CSMD1: variants seen among roughly 807,000 people sequenced by gnomAD.
CSMD1 encodes the protein CUB and sushi domain-containing protein 1.
Under a neutral mutation model 417.5 loss-of-function variants are expected in CSMD1, and 213 were observed. The ratio of observed to expected loss-of-function variants is 0.51; its 90% CI spans 0.46 to 0.57. The LOEUF (loss-of-function observed/expected upper bound fraction) is 0.57, where lower values mean the gene tolerates loss of function less well. Among genes scored for constraint, CSMD1 ranks in the 20% least tolerant of loss-of-function variants. The pLI, the probability that CSMD1 is intolerant of heterozygous loss-of-function variation, is 0.00. For synonymous variants in CSMD1, 2,862 were observed against 1,736.8 expected, an observed-to-expected ratio of 1.65 and a Z score of -16.11; for missense variants, 6,923 against 4,529.7, an observed-to-expected ratio of 1.53 and a Z score of -15.17.
chr8:3,511,709 G>C (rs762136447), intron 10 of CSMD1, among the ~76,000 whole-genome samples: 1 of 148,946 alleles, frequency 6.7e-6, no homozygotes, highest in African/African-American at 2.6e-5. Flanking sequence ...GGTGAGATGA[G>C]ATCACTATTG....
At chr8:4,435,125 T>C (rs1368499098) in intron 2 of CSMD1, among the ~76,000 whole-genome samples, 1 of 152,168 alleles carries the variant, frequency 6.6e-6, no homozygotes, top group Non-Finnish European at 1.5e-5. Context: ...GGAAAAACTG[T>C]ATTTTAAAGT....
At chr8:3,049,464 G>C (rs1227249189) in intron 50 of CSMD1, among the ~76,000 whole-genome samples, 2 of 152,114 alleles carry the variant, frequency 1.3e-5, no homozygotes, top group Admixed American at 6.5e-5. Context: ...TTATTACTAA[G>C]TGAAAGAAGC....
chr8:4,962,377 A>G (rs1277234163), intron 1 of CSMD1, among the ~76,000 whole-genome samples: 1 of 151,878 alleles, frequency 6.6e-6, no homozygotes, highest in Non-Finnish European at 1.5e-5. Flanking sequence ...TGACTGCTTA[A>G]TTTTATAATT....
In CSMD1 at chr8:3,324,168, G is replaced by T. The variant is rs572943079; in HGVS notation, c.3632-15665C>A. Among the ~76,000 whole-genome samples, 6 of 118,200 alleles carry T rather than the reference G, an allele frequency of 5.1e-5. No individual in the cohort carries two copies. The East Asian group carries it at 1.6e-3, about 32-fold the overall frequency. The allele number at this position is 118,200 out of a possible 152,430, so 77.5% of individuals were successfully genotyped here. A position where few individuals can be genotyped will look rare whatever the true frequency, so the allele number is the denominator to read the frequency against. ...CTAACACCCAGAGACTCGGGAGGGG[G>T]AGTTTCCTTCACCCCACCTTTCATT... On this transcript the variant is annotated intron_variant, in intron 23 of 69. Coordinates refer to ENST00000635120, the MANE Select transcript of CSMD1 (RefSeq NM_033225.6).
intron 47 of CSMD1, among the ~76,000 whole-genome samples, chr8:3,094,827 GAGAA>G (rs1372029189): frequency 1.4e-5 from 2 of 143,924 alleles, no homozygotes; most frequent in Admixed American, 6.9e-5. Flanking sequence ...AAAAGAGAGA[GAGAA>G]AGAGACAGAA....
At chr8:3,435,925 G>A (rs779397668) in intron 12 of CSMD1, among the ~76,000 whole-genome samples, 14 of 152,174 alleles carry the variant, frequency 9.2e-5, no homozygotes, top group Non-Finnish European at 1.8e-4. Flanking sequence ...AGCTTAGTCT[G>A]GTCTTCCTGC....
chr8:4,273,238 T>A (rs905754463), intron 3 of CSMD1, among the ~76,000 whole-genome samples: 4 of 152,148 alleles, frequency 2.6e-5, no homozygotes, highest in African/African-American at 9.6e-5. Context: ...AAATATAACT[T>A]ATAAAAAGGC....
At chr8:3,417,053 C>T (rs1813203260) in intron 12 of CSMD1, among the ~76,000 whole-genome samples, 1 of 152,212 alleles carries the variant, frequency 6.6e-6, no homozygotes, top group South Asian at 2.1e-4. Context: ...GTTTAAATCA[C>T]ACCACGTTCT....
chr8:4,847,777 A>ATT (rs34765624), intron 1 of CSMD1, among the ~76,000 whole-genome samples: 17 of 138,378 alleles, frequency 1.2e-4, no homozygotes, highest in East Asian at 6.5e-4. Flanking sequence ...CTCTATCGGG[A>ATT]TTTTTTTTTT....
intron 5 of CSMD1, among the ~76,000 whole-genome samples, chr8:3,864,036 T>C (rs1804910396): frequency 6.6e-6 from 1 of 152,148 alleles, no homozygotes; most frequent in South Asian, 2.1e-4. Context: ...TTTGCAAATC[T>C]TAGTGAAGAT....
At chr8:4,139,300 C>A (rs1298968578) in intron 3 of CSMD1, among the ~76,000 whole-genome samples, 3 of 152,168 alleles carry the variant, frequency 2.0e-5, no homozygotes, top group Non-Finnish European at 4.4e-5. Flanking sequence ...TGTCTTACAG[C>A]TGTCGTTATA....
intron 3 of CSMD1, among the ~76,000 whole-genome samples, chr8:4,298,918 A>G (rs1416309114): frequency 6.6e-6 from 1 of 152,100 alleles, no homozygotes; most frequent in Non-Finnish European, 1.5e-5. Context: ...GTATATATAC[A>G]CACATAAATA....
At chr8:4,749,144 G>C (rs760990978) in intron 1 of CSMD1, among the ~76,000 whole-genome samples, 11 of 152,218 alleles carry the variant, frequency 7.2e-5, no homozygotes, top group Non-Finnish European at 1.3e-4. Context: ...ATTGTCATGA[G>C]TCATAGATTA....
chr8:4,073,317 A>C (rs1428139163), intron 3 of CSMD1, among the ~76,000 whole-genome samples: 1 of 152,218 alleles, frequency 6.6e-6, no homozygotes, highest in African/African-American at 2.4e-5. Context: ...GAAGTACTAC[A>C]AAATGAAGAA....
At chr8:4,971,428 A>C (rs2117383076) in intron 1 of CSMD1, among the ~76,000 whole-genome samples, 1 of 152,192 alleles carries the variant, frequency 6.6e-6, no homozygotes, top group East Asian at 1.9e-4. Flanking sequence ...CAATAATTCA[A>C]GTTTCCATAA....
chr8:4,454,014 G>C (rs976991143), intron 2 of CSMD1, among the ~76,000 whole-genome samples: 14 of 151,740 alleles, frequency 9.2e-5, no homozygotes, highest in South Asian at 2.1e-4. Flanking sequence ...AGTAGAGACG[G>C]GGTTTCACCG....
intron 1 of CSMD1, among the ~76,000 whole-genome samples, chr8:4,638,238 G>A (rs1802963095): frequency 6.6e-6 from 1 of 152,014 alleles, no homozygotes; most frequent in South Asian, 2.1e-4. Flanking sequence ...TTCTTTGTTG[G>A]TGGAAACTAA....
chr8:4,456,235 G>A (rs563477161), intron 2 of CSMD1, among the ~76,000 whole-genome samples: 1 of 151,988 alleles, frequency 6.6e-6, no homozygotes, highest in South Asian at 2.1e-4. Context: ...CAGAAAATAT[G>A]CTTTAAAATA....
At chr8:3,564,718 T>A (rs1799624853) in intron 10 of CSMD1, among the ~76,000 whole-genome samples, 1 of 151,138 alleles carries the variant, frequency 6.6e-6, no homozygotes, top group Admixed American at 6.6e-5. Context: ...CGTGCCCTTG[T>A]GGCAGAAAAA....
Sources: allele counts gnomAD v4.1 joint callset (sites outside exome capture counted in the v4.1 genomes callset), GRCh38; gene constraint gnomAD v4.1.1; transcripts MANE v1.5; gene names NCBI Gene and HGNC (gene_info 2026-07-23, HGNC 2026-07-21).